Variants in RNLS observed in about 807,000 individuals in gnomAD.
RNLS encodes renalase.
Under a neutral mutation model 39.8 loss-of-function variants are expected in RNLS, and 39 were observed. The ratio of observed to expected loss-of-function variants is 0.98; its 90% CI spans 0.76 to 1.28. The LOEUF (loss-of-function observed/expected upper bound fraction) is 1.28, where lower values mean the gene tolerates loss of function less well. Among genes scored for constraint, RNLS ranks in the 50% most tolerant of loss-of-function variants. The probability of loss-of-function intolerance (pLI) is 0.00; values close to 1 mark genes in which losing one functional copy is unlikely to be tolerated. For missense variants in RNLS, 410 were observed against 413.3 expected (o/e 0.99, Z 0.07); for synonymous variants, 147 against 150.7 (o/e 0.98, Z 0.18).
chr10:88,237,386 A>C, the RNLS span, among the ~76,000 whole-genome samples: 1 of 152,026 alleles, frequency 6.6e-6, no homozygotes, highest in South Asian at 2.1e-4. Flanking sequence ...ATTCATCTAC[A>C]AAGGAATTGC....
the RNLS span, among the ~76,000 whole-genome samples, chr10:88,240,920 C>A: frequency 6.6e-6 from 1 of 150,614 alleles, no homozygotes; most frequent in South Asian, 2.1e-4. Context: ...TTCAAAAAAT[C>A]ATGACTAGGT....
chr10:88,462,564 C>G (rs1412920810), intron 4 of RNLS, among the ~76,000 whole-genome samples: 4 of 151,808 alleles, frequency 2.6e-5, no homozygotes, highest in Non-Finnish European at 4.4e-5. Context: ...GATAGACAAT[C>G]CAGTTCTCAA....
At chr10:88,296,342 T>C (rs912152016) in intron 6 of RNLS, among the ~76,000 whole-genome samples, 1 of 152,124 alleles carries the variant, frequency 6.6e-6, no homozygotes, top group Non-Finnish European at 1.5e-5. Flanking sequence ...CTCTTCCTGC[T>C]CTGTAGGTTG....
intron 4 of RNLS, among the ~76,000 whole-genome samples, chr10:88,451,353 G>T (rs1827206121): frequency 6.6e-6 from 1 of 152,128 alleles, no homozygotes; most frequent in Non-Finnish European, 1.5e-5. Context: ...AACGTGGTTT[G>T]GCTGCCCCAT....
chr10:88,217,187 T>C, the RNLS span, among the ~76,000 whole-genome samples: 3 of 152,118 alleles, frequency 2.0e-5, no homozygotes, highest in Non-Finnish European at 4.4e-5. Context: ...TCTCAAGATA[T>C]GACACTAGGA....
chr10:88,233,709 C>T, the RNLS span, among the ~76,000 whole-genome samples: 1 of 152,080 alleles, frequency 6.6e-6, no homozygotes, highest in Non-Finnish European at 1.5e-5. Flanking sequence ...TTTTGGACTT[C>T]AAGAGTAAGC....
intron 6 of RNLS, among the ~76,000 whole-genome samples, chr10:88,294,293 C>A: frequency 6.6e-6 from 1 of 152,100 alleles, no homozygotes; most frequent in Non-Finnish European, 1.5e-5. Context: ...AATGGAAATG[C>A]CTGTTTACCT....
chr10:88,250,387 A>G, the RNLS span, among the ~76,000 whole-genome samples: 1 of 152,224 alleles, frequency 6.6e-6, no homozygotes, highest in African/African-American at 2.4e-5. Flanking sequence ...AAAGATTTTG[A>G]CCCCTGATAT....
chr10:88,428,034 A>G (rs1854903683), intron 4 of RNLS, among the ~76,000 whole-genome samples: 1 of 151,978 alleles, frequency 6.6e-6, no homozygotes, highest in Non-Finnish European at 1.5e-5. Context: ...CATACCTTGA[A>G]CAATAAAAAA....
the RNLS span, among the ~76,000 whole-genome samples, chr10:88,229,576 C>T: frequency 2.6e-5 from 4 of 152,216 alleles, no homozygotes; most frequent in Non-Finnish European, 5.9e-5. Context: ...CCTTTTAGTA[C>T]ATCCACAGAA....
chr10:88,211,195 A>T, the RNLS span, among the ~76,000 whole-genome samples: 2 of 152,294 alleles, frequency 1.3e-5, no homozygotes, highest in Non-Finnish European at 2.9e-5. Context: ...TCATTTAATA[A>T]TGAGATGCTT....
At chr10:88,352,758 T>C (rs959311808) in intron 5 of RNLS, among the ~76,000 whole-genome samples, 2 of 152,224 alleles carry the variant, frequency 1.3e-5, no homozygotes, top group African/African-American at 2.4e-5. Context: ...CCGATTGGAA[T>C]AGTTTCAGAA....
At chr10:88,333,988 G>A (rs567633350) in intron 5 of RNLS, among the ~76,000 whole-genome samples, 2 of 152,142 alleles carry the variant, frequency 1.3e-5, no homozygotes, top group Admixed American at 6.5e-5. Context: ...AATTTATACT[G>A]CTTAGAAACT....
chr10:88,330,002 G>A (rs1482656650), intron 5 of RNLS, among the ~76,000 whole-genome samples: 4 of 147,526 alleles, frequency 2.7e-5, no homozygotes, highest in East Asian at 2.0e-4. Flanking sequence ...GTTGGCTCTG[G>A]CTTTTTTTGT....
chr10:88,203,260 GTGTGTA>G, the RNLS span, among the ~76,000 whole-genome samples: 4 of 4,792 alleles, frequency 8.3e-4, 1 homozygote, highest in African/African-American at 5.8e-3. Context: ...GTGTGTGTGT[GTGTGTA>G]TGTATATATA....
At chr10:88,224,317 C>T in the RNLS span, among the ~76,000 whole-genome samples, 2 of 152,140 alleles carry the variant, frequency 1.3e-5, no homozygotes, top group Non-Finnish European at 2.9e-5. Flanking sequence ...TTAACCACCT[C>T]CTAAAGCCTC....
intron 4 of RNLS, among the ~76,000 whole-genome samples, chr10:88,455,857 C>T (rs570225089): frequency 2.6e-5 from 4 of 152,266 alleles, no homozygotes; most frequent in Non-Finnish European, 5.9e-5. Context: ...ACAAAAATCG[C>T]TTTATCCCAA....
At chr10:88,363,935 T>G (rs1849835838) in intron 4 of RNLS, among the ~76,000 whole-genome samples, 1 of 152,188 alleles carries the variant, frequency 6.6e-6, no homozygotes, top group African/African-American at 2.4e-5. Context: ...TAAGTGTTCA[T>G]TAAATAGTAA....
At chr10:88,291,653 T>C (rs769337368) in intron 6 of RNLS, among the ~76,000 whole-genome samples, 1 of 152,196 alleles carries the variant, frequency 6.6e-6, no homozygotes, top group Non-Finnish European at 1.5e-5. Flanking sequence ...GATTAGAAGA[T>C]TACAGAAGGA....
Sources: allele counts gnomAD v4.1 joint callset (sites outside exome capture counted in the v4.1 genomes callset), GRCh38; gene constraint gnomAD v4.1.1; transcripts MANE v1.5; gene names NCBI Gene and HGNC (gene_info 2026-07-23, HGNC 2026-07-21).